Variants in EXTL3 observed in about 807,000 individuals in gnomAD.
The protein encoded by EXTL3 is exostosin like glycosyltransferase 3, also known as exostosin-like 3.
In EXTL3, 27 loss-of-function variants were observed where a neutral mutation model predicts 69.3. The ratio of observed to expected loss-of-function variants is 0.39; its 90% confidence interval spans 0.29 to 0.54. The LOEUF is 0.54. Ranked by LOEUF, EXTL3 falls within the 20% of genes least tolerant of loss-of-function variation. The probability of loss-of-function intolerance (pLI) is 0.69; values close to 1 mark genes in which losing one functional copy is unlikely to be tolerated. For synonymous variants in EXTL3, 511 were observed against 499.4 expected (o/e 1.02, Z -0.31); for missense variants, 1,003 against 1,231.8 (o/e 0.81, Z 2.78).
chr8:28,669,029 AATTTTTGT>A (rs1807243939), intron 1 of EXTL3, among the ~76,000 whole-genome samples: 2 of 151,752 alleles, frequency 1.3e-5, no homozygotes, highest in African/African-American at 4.8e-5. Flanking sequence ...ATGCCCAGCT[AATTTTTGT>A]ATTTTTAGTA....
At chr8:28,705,114 T>A (rs921797899) in intron 1 of EXTL3, among the ~76,000 whole-genome samples, 5 of 151,974 alleles carry the variant, frequency 3.3e-5, no homozygotes, top group African/African-American at 1.2e-4. Flanking sequence ...GAGAAGGAGG[T>A]CTTGGGAATG....
At chr8:28,666,511 C>G (rs866646880) in intron 1 of EXTL3, among the ~76,000 whole-genome samples, 1 of 152,138 alleles carries the variant, frequency 6.6e-6, no homozygotes, top group Non-Finnish European at 1.5e-5. Flanking sequence ...AAGCAATCCT[C>G]CCACCTTGGC....
chr8:28,666,521 C>T (rs938289983), intron 1 of EXTL3, among the ~76,000 whole-genome samples: 1 of 152,164 alleles, frequency 6.6e-6, no homozygotes, highest in African/African-American at 2.4e-5. Context: ...CCCACCTTGG[C>T]CTCCCAAAGT....
intron 1 of EXTL3, among the ~76,000 whole-genome samples, chr8:28,679,451 A>G (rs1393703564): frequency 1.3e-5 from 2 of 152,078 alleles, no homozygotes; most frequent in Non-Finnish European, 2.9e-5. Flanking sequence ...TCTCAAAAAA[A>G]AGAATGTCCA....
intron 1 of EXTL3, among the ~76,000 whole-genome samples, chr8:28,710,022 T>C (rs975723683): frequency 2.0e-5 from 3 of 152,186 alleles, no homozygotes; most frequent in African/African-American, 7.2e-5. Context: ...TTTGCATTTG[T>C]CAGCAAAAAT....
chr8:28,638,022 T>C (rs1806683443), intron 1 of EXTL3, among the ~76,000 whole-genome samples: 1 of 152,238 alleles, frequency 6.6e-6, no homozygotes, highest in South Asian at 2.1e-4. Context: ...GCACGTGTCT[T>C]TGAGAAATTC....
chr8:28,672,450 AT>A (rs1453987187), intron 1 of EXTL3, among the ~76,000 whole-genome samples: 10 of 152,094 alleles, frequency 6.6e-5, no homozygotes, highest in African/African-American at 1.9e-4. Context: ...AAGAAAAAAA[AT>A]AATATGGTTT....
At chr8:28,735,968 A>G (rs1275383583) in intron 4 of EXTL3, among the ~76,000 whole-genome samples, 1 of 152,098 alleles carries the variant, frequency 6.6e-6, no homozygotes, top group Non-Finnish European at 1.5e-5. Context: ...AGAGACGGAG[A>G]GTAGAATAGG....
At chr8:28,671,604 G>A (rs1005690676) in intron 1 of EXTL3, among the ~76,000 whole-genome samples, 4 of 152,136 alleles carry the variant, frequency 2.6e-5, no homozygotes, top group Admixed American at 1.3e-4. Context: ...CTCCCAAAGT[G>A]CTGGGATTAC....
At chr8:28,727,097 G>T (rs1233648904) in intron 3 of EXTL3, among the ~76,000 whole-genome samples, 3 of 151,876 alleles carry the variant, frequency 2.0e-5, no homozygotes, top group Non-Finnish European at 4.4e-5. Context: ...TATTAGCCAG[G>T]CTGGTCTTGA....
In EXTL3 at chr8:28,717,045, T is replaced by C; in HGVS notation, c.986T>C (p.Met329Thr). The part of the protein sequence containing the change: ...LVHAMSEPNF[M>T]EIPPQVPVKR... The stretch of plus-strand genomic sequence containing the variant: ...CATGCCATGTCTGAGCCCAACTTCA[T>C]GGAAATCCCACCACAGGTGCCGGTG... The change falls in exon 3 of 7, where the codon ATG (methionine) becomes ACG (threonine). Residue 329 changes from methionine (M) to threonine (T), a missense_variant. Met to Thr is a moderately conservative substitution (Grantham distance 81). Coordinates refer to ENST00000220562, the MANE Select transcript of EXTL3 (RefSeq NM_001440.4). This position sits in a 1 kb window ranked among gnomAD's most constrained non-coding sequence, Gnocchi z 8.3. 6.2e-7 allele frequency: 1 copy of C among 1,614,216 alleles called. No individual in the cohort carries two copies. Among genetic ancestry groups the C allele is most frequent in the Non-Finnish European group, 8.5e-7 (1 of 1,180,028 alleles).
At chr8:28,667,767 C>T (rs963682379) in intron 1 of EXTL3, among the ~76,000 whole-genome samples, 4 of 150,476 alleles carry the variant, frequency 2.7e-5, no homozygotes, top group Admixed American at 6.7e-5. Context: ...ATGTAAATGA[C>T]GAGTTAATGG....
At chr8:28,722,414 C>T (rs989470416) in intron 3 of EXTL3, among the ~76,000 whole-genome samples, 2 of 152,188 alleles carry the variant, frequency 1.3e-5, no homozygotes, top group African/African-American at 4.8e-5. Context: ...CAGCATAGCA[C>T]ACATCCTTGC....
chr8:28,690,984 G>A (rs755511956), intron 1 of EXTL3, among the ~76,000 whole-genome samples: 12 of 152,108 alleles, frequency 7.9e-5, no homozygotes, highest in Non-Finnish European at 1.5e-4. Context: ...GTATTGCAGG[G>A]GTGAAGTTGG....
intron 1 of EXTL3, among the ~76,000 whole-genome samples, chr8:28,633,204 G>A (rs1806598111): frequency 6.6e-6 from 1 of 152,002 alleles, no homozygotes; most frequent in Admixed American, 6.6e-5. Flanking sequence ...CAGGTGTGTT[G>A]GCGCACGCCT....
At position 28,701,559 on chromosome 8, in the gene EXTL3, G is replaced by A. The variant is rs1417491263; in HGVS notation, c.-670G>A. On this transcript the variant is annotated 5_prime_UTR_variant, in exon 1 of 7. Transcript: ENST00000220562. Reference sequence around the variant, plus strand: ...GCAGGGGGAGCGGCGGATCAGGCGCGGCCTGGAAGGCGGGCGGCCGGCAGC... The same window carrying A: ...GCAGGGGGAGCGGCGGATCAGGCGCAGCCTGGAAGGCGGGCGGCCGGCAGC... 2 of 154,154 alleles carry A rather than the reference G, an allele frequency of 1.3e-5. No homozygotes were observed. Among genetic ancestry groups the A allele is most frequent in the Non-Finnish European group, 2.9e-5 (2 of 69,112 alleles). 9.5% of individuals were successfully genotyped at this position (154,154 alleles called of 1,614,324 possible).
intron 3 of EXTL3, among the ~76,000 whole-genome samples, chr8:28,729,217 C>G (rs1801478912): frequency 6.7e-6 from 1 of 148,530 alleles, no homozygotes; most frequent in South Asian, 2.1e-4. Context: ...ATCACTTGAG[C>G]CTGGCAGGTG....
Position 28,623,594 on chromosome 8 carries a change from C to T in EXTL3, c.-53+784C>T, listed in dbSNP as rs1431146166. Among the ~76,000 whole-genome samples the T allele has an allele frequency of 1.3e-5, 2 of 152,160 alleles. No homozygotes were observed. The highest frequency in any genetic ancestry group is 2.9e-5 in the Non-Finnish European group (2 of 68,040). Reference sequence around the variant, plus strand: ...GAAGGCTCCATGCTGAAAGTCTAGACCCCATCTTTGCCTACTTTTCAAGGC... The same window carrying T: ...GAAGGCTCCATGCTGAAAGTCTAGATCCCATCTTTGCCTACTTTTCAAGGC... On this transcript the variant is annotated intron_variant, in intron 1 of 6. Coordinates refer to the EXTL3 transcript ENST00000523149. The surrounding 1 kb of genome is among the most constrained non-coding windows in gnomAD (Gnocchi z 4.2).
intron 1 of EXTL3, among the ~76,000 whole-genome samples, chr8:28,704,759 C>G (rs979900317): frequency 1.6e-4 from 24 of 152,202 alleles, no homozygotes; most frequent in African/African-American, 5.5e-4. Context: ...AAACTTCCGC[C>G]TCCCAGGTTC....
Sources: allele counts gnomAD v4.1 joint callset (sites outside exome capture counted in the v4.1 genomes callset), GRCh38; gene constraint gnomAD v4.1.1; non-coding constraint Gnocchi (gnomAD v3.1); transcripts MANE v1.5; gene names NCBI Gene and HGNC (gene_info 2026-07-23, HGNC 2026-07-21).